NLN: variants seen among roughly 807,000 people sequenced by gnomAD.
NLN encodes neurolysin, also known as neurolysin, mitochondrial.
NLN carries 64 observed loss-of-function variants against 79.9 expected under a neutral mutation model. The ratio of observed to expected loss-of-function variants is 0.80; its 90% CI spans 0.65 to 0.99. The LOEUF (loss-of-function observed/expected upper bound fraction) is 0.99, where lower values mean the gene tolerates loss of function less well. Ranked by LOEUF, NLN falls within the 50% of genes least tolerant of loss-of-function variation. NLN has a pLI of 0.00. For missense variants in NLN, 835 were observed against 858.7 expected (o/e 0.97, Z 0.34); for synonymous variants, 267 against 296.6 (o/e 0.90, Z 1.02).
chr5:65,799,691 T>C (rs1760242234), intron 9 of NLN, among the ~76,000 whole-genome samples: 1 of 152,232 alleles, frequency 6.6e-6, no homozygotes, highest in South Asian at 2.1e-4. Context: ...GTGAACTTAA[T>C]ATGCAGTATT....
At chr5:65,727,227 G>A (rs1301068965) in intron 1 of NLN, among the ~76,000 whole-genome samples, 1 of 152,178 alleles carries the variant, frequency 6.6e-6, no homozygotes, top group East Asian at 1.9e-4. Context: ...GTGCAGTGGG[G>A]CATGATCATG....
intron 1 of NLN, among the ~76,000 whole-genome samples, chr5:65,752,539 T>A (rs1202335783): frequency 6.6e-6 from 1 of 152,222 alleles, no homozygotes; most frequent in Non-Finnish European, 1.5e-5. Context: ...TTCTCAAGAA[T>A]ACAAGTGCAG....
intron 11 of NLN, among the ~76,000 whole-genome samples, chr5:65,810,641 A>G (rs953316753): frequency 3.3e-5 from 5 of 152,166 alleles, no homozygotes; most frequent in Non-Finnish European, 7.3e-5. Flanking sequence ...TAAATGTACA[A>G]TTAAATTATT....
chr5:65,754,661 TTCCCATGCA>T (rs1759179790), intron 1 of NLN, among the ~76,000 whole-genome samples: 1 of 152,152 alleles, frequency 6.6e-6, no homozygotes, highest in African/African-American at 2.4e-5. Context: ...ACAAAAATGT[TTCCCATGCA>T]TCCCTCTTCC....
intron 11 of NLN, 114 bp from the exon 12 acceptor site, chr5:65,812,141 G>A: frequency 1.2e-6 from 1 of 824,276 alleles, no homozygotes; most frequent in Non-Finnish European, 2.1e-6. Context: ...GTGAGATCAT[G>A]TCATTCATTC....
chr5:65,777,560 C>CA, intron 4 of NLN, 26 bp downstream of exon 4: 1 of 1,337,252 alleles, frequency 7.5e-7, no homozygotes, highest in South Asian at 1.3e-5. Context: ...CTTTTCTTAT[C>CA]AGAAAAAAAA....
intron 8 of NLN, among the ~76,000 whole-genome samples, chr5:65,789,162 C>T (rs760675586): frequency 1.9e-4 from 29 of 152,122 alleles, no homozygotes; most frequent in Non-Finnish European, 2.9e-4. Flanking sequence ...AAAGACTCTA[C>T]TCTTCCATAT....
At chr5:65,766,936 C>T (rs1040777810) in intron 3 of NLN, among the ~76,000 whole-genome samples, 35 of 152,378 alleles carry the variant, frequency 2.3e-4, no homozygotes, top group African/African-American at 6.5e-4. Context: ...ACATCCAGGG[C>T]GCACTGATCC....
At chr5:65,745,246 T>C (rs560353043) in intron 1 of NLN, among the ~76,000 whole-genome samples, 13 of 152,338 alleles carry the variant, frequency 8.5e-5, no homozygotes, top group Non-Finnish European at 1.8e-4. Flanking sequence ...ACATGTGATG[T>C]AAGCATGTAT....
Position 65,722,418 on chromosome 5 carries a change from C to G in NLN, c.41+4C>G. 3.1e-6 allele frequency: 5 copies of G among 1,587,710 alleles called. No individual in the cohort carries two copies. Among genetic ancestry groups the G allele is most frequent in the Non-Finnish European group, 4.3e-6 (5 of 1,168,420 alleles). On this transcript the variant is annotated splice_donor_region_variant and intron_variant, in intron 1 of 12. Transcript: ENST00000380985. ...TGGCTGTGCGAAGCCTCCGCAGGTA[C>G]CTCCAGCGCGCGGGTTAACCTTGGC...
At chr5:65,737,083 C>T (rs965019470) in intron 1 of NLN, among the ~76,000 whole-genome samples, 9 of 152,092 alleles carry the variant, frequency 5.9e-5, no homozygotes, top group African/African-American at 1.9e-4. Flanking sequence ...CCAGCCTATG[C>T]GACAAAGGGA....
intron 1 of NLN, among the ~76,000 whole-genome samples, chr5:65,757,638 A>G (rs1054636578): frequency 6.6e-6 from 1 of 152,206 alleles, no homozygotes; most frequent in African/African-American, 2.4e-5. Context: ...AGACAGAGAG[A>G]GAAACATGGC....
At chr5:65,752,234 T>C (rs1317256530) in intron 1 of NLN, among the ~76,000 whole-genome samples, 3 of 117,910 alleles carry the variant, frequency 2.5e-5, no homozygotes, top group Admixed American at 8.0e-5. Flanking sequence ...TGAGACCCTG[T>C]TTCAAAAAAA....
intron 6 of NLN, 62 bp downstream of exon 6, chr5:65,781,483 T>C (rs1006969141): frequency 4.6e-5 from 58 of 1,271,458 alleles, no homozygotes; most frequent in Non-Finnish European, 6.1e-5. Flanking sequence ...AGGGTTTACT[T>C]TGTTCACCAG....
At chr5:65,754,397 G>C (rs1383220648) in intron 1 of NLN, among the ~76,000 whole-genome samples, 1 of 152,160 alleles carries the variant, frequency 6.6e-6, no homozygotes, top group Non-Finnish European at 1.5e-5. Flanking sequence ...ACTGAGGGTA[G>C]GGACAGCTAC....
intron 12 of NLN, among the ~76,000 whole-genome samples, chr5:65,819,157 A>G (rs757750082): frequency 1.3e-5 from 2 of 152,076 alleles, no homozygotes; most frequent in Non-Finnish European, 2.9e-5. Context: ...ATTAGGAGAT[A>G]GAACTAATTT....
In NLN at chr5:65,722,404, A is replaced by G; in HGVS notation, c.31A>G (p.Ser11Gly). Residue 11 changes from serine (S) to glycine (G), a missense_variant, in exon 1 of 13, where the codon AGC (serine) becomes GGC (glycine). By Grantham distance (56) the Ser-to-Gly change is moderately conservative. Transcript: ENST00000380985. Reference protein sequence around the residue: MIARCLLAVRSLRRVGGSRIL... With the variant: MIARCLLAVRGLRRVGGSRIL... ...CGCCCGGTGCCTTTTGGCTGTGCGA[A>G]GCCTCCGCAGGTACCTCCAGCGCGC... 6.3e-7 allele frequency: 1 copy of G among 1,590,644 alleles called. No individual in the cohort carries two copies. Among genetic ancestry groups the G allele is most frequent in the Non-Finnish European group, 8.5e-7 (1 of 1,169,968 alleles).
intron 1 of NLN, among the ~76,000 whole-genome samples, chr5:65,736,429 A>G (rs752483844): frequency 3.9e-5 from 6 of 152,250 alleles, no homozygotes; most frequent in African/African-American, 1.4e-4. Context: ...GTATGAATTT[A>G]AGAGAACAAT....
At chr5:65,740,435 A>G (rs1403394894) in intron 1 of NLN, among the ~76,000 whole-genome samples, 1 of 152,132 alleles carries the variant, frequency 6.6e-6, no homozygotes, top group Non-Finnish European at 1.5e-5. Context: ...TCATCTCTTA[A>G]CAGCTTCACC....
Sources: allele counts gnomAD v4.1 joint callset (sites outside exome capture counted in the v4.1 genomes callset), GRCh38; gene constraint gnomAD v4.1.1; transcripts MANE v1.5; gene names NCBI Gene and HGNC (gene_info 2026-07-23, HGNC 2026-07-21).